Variants in ERCC6L2 observed in about 807,000 individuals in gnomAD.
ERCC6L2 encodes ERCC excision repair 6 like 2.
Under a neutral mutation model 132.0 loss-of-function variants are expected in ERCC6L2, and 77 were observed. The ratio of observed to expected loss-of-function variants is 0.58; its 90% confidence interval spans 0.49 to 0.71. ERCC6L2 has a LOEUF of 0.71. ERCC6L2 is among the 30% of genes least tolerant of loss of function. The probability of loss-of-function intolerance (pLI) is 0.00; values close to 1 mark genes in which losing one functional copy is unlikely to be tolerated. For synonymous variants in ERCC6L2, 583 were observed against 632.4 expected (o/e 0.92, Z 1.17); for missense variants, 1,542 against 1,837.6 (o/e 0.84, Z 2.94).
In ERCC6L2 at chr9:96,013,330, A is replaced by AT. The variant is rs35507533; in HGVS notation, c.*133dup. The AT allele has an allele frequency of 1.2e-6, 1 of 856,374 alleles. No homozygotes were observed. The highest frequency in any genetic ancestry group is 1.6e-6 in the Non-Finnish European group (1 of 632,648). 53.0% of individuals were successfully genotyped at this position (856,374 alleles called of 1,614,324 possible). The stretch of plus-strand genomic sequence containing the variant: ...ATTTTTATTAAATTATTGCTTTAGG[A>AT]TTTTTTGAAGTCTAAAGTATTGTCA... On this transcript the variant is annotated 3_prime_UTR_variant, in exon 19 of 19. Transcript: ENST00000653738.
rs1230693368 is a variant in ERCC6L2, at chr9:96,012,236, A to G, written c.3686A>G (p.Glu1229Gly). ...CATTTAATCTTTAGAAAACAATTTG[A>G]AGAAATGGCCTCTTATTTTAACTCG... ...TPKGIRRKQF[E>G]EMASYFNSSS... Residue 1229 changes from glutamate to glycine, a missense_variant, in exon 19 of 19, where the codon GAA (glutamate) becomes GGA (glycine). Physicochemically the swap from Glu to Gly is moderately conservative, Grantham distance 98 (BLOSUM62 -2). Transcript: ENST00000653738. 2 of 1,258,556 alleles carry G rather than the reference A, an allele frequency of 1.6e-6. No individual in the cohort carries two copies. Among genetic ancestry groups the G allele is most frequent in the Non-Finnish European group, 2.1e-6 (2 of 965,438 alleles). 78.0% of individuals were successfully genotyped at this position (1,258,556 alleles called of 1,614,324 possible).
At chr9:95,879,344 T>A (rs1234665220) in intron 1 of ERCC6L2, among the ~76,000 whole-genome samples, 1 of 152,240 alleles carries the variant, frequency 6.6e-6, no homozygotes, top group Non-Finnish European at 1.5e-5. Flanking sequence ...GGTATAATAT[T>A]TGGTGAATAA....
chr9:95,923,971 A>G (rs1022357066), intron 9 of ERCC6L2, among the ~76,000 whole-genome samples: 2 of 152,202 alleles, frequency 1.3e-5, no homozygotes, highest in Admixed American at 6.5e-5. Flanking sequence ...AAGTTCTCCA[A>G]CCTTGACCCA....
intron 11 of ERCC6L2, 57 bp downstream of exon 11, chr9:95,928,921 A>C: frequency 7.6e-7 from 1 of 1,319,260 alleles, no homozygotes; most frequent in Non-Finnish European, 1.0e-6. Flanking sequence ...GAGATTTAGC[A>C]TAATTTTTAA....
chr9:95,889,966 C>T (rs62559055), intron 2 of ERCC6L2, among the ~76,000 whole-genome samples: 18,375 of 152,136 alleles, frequency 0.12, 1,249 homozygotes, highest in African/African-American at 0.16. Context: ...TTATGTTCTA[C>T]ATCAGCCAGT....
chr9:95,936,745 G>A (rs559455103), intron 11 of ERCC6L2, among the ~76,000 whole-genome samples: 27 of 152,214 alleles, frequency 1.8e-4, no homozygotes, highest in African/African-American at 6.0e-4. Context: ...AATCCCTCAT[G>A]CTGTCCTTTT....
At chr9:95,982,566 G>T (rs957088634) in intron 17 of ERCC6L2, among the ~76,000 whole-genome samples, 2 of 151,978 alleles carry the variant, frequency 1.3e-5, no homozygotes, top group Admixed American at 1.3e-4. Context: ...AAGGTTTATG[G>T]TTTCAGCATG....
At chr9:95,902,620 G>A (rs1828836786) in intron 3 of ERCC6L2, among the ~76,000 whole-genome samples, 1 of 151,978 alleles carries the variant, frequency 6.6e-6, no homozygotes, top group Non-Finnish European at 1.5e-5. Context: ...TGGATTTAGG[G>A]GATTACTTTT....
intron 18 of ERCC6L2, among the ~76,000 whole-genome samples, chr9:96,012,003 A>T (rs867117477): frequency 1.3e-5 from 2 of 152,320 alleles, no homozygotes; most frequent in Middle Eastern, 3.4e-3. Context: ...ATAACTTACA[A>T]AGCTGGTGAT....
chr9:95,989,763 A>G (rs1380621633), intron 17 of ERCC6L2, among the ~76,000 whole-genome samples: 1 of 152,228 alleles, frequency 6.6e-6, no homozygotes, highest in Non-Finnish European at 1.5e-5. Context: ...GGTATGTTGT[A>G]TGAGATGACA....
intron 17 of ERCC6L2, among the ~76,000 whole-genome samples, chr9:95,989,461 A>G (rs558165448): frequency 7.9e-5 from 12 of 152,256 alleles, no homozygotes; most frequent in Non-Finnish European, 1.5e-4. Flanking sequence ...CCAAATATCT[A>G]TTTCACAATA....
intron 17 of ERCC6L2, among the ~76,000 whole-genome samples, chr9:95,995,805 C>T (rs1396669167): frequency 6.6e-6 from 1 of 152,172 alleles, no homozygotes; most frequent in East Asian, 1.9e-4. Context: ...AACTGTTGGG[C>T]ACCAACTGCA....
In ERCC6L2 at chr9:95,884,556, C is replaced by T. The variant is rs574596358; in HGVS notation, c.471+3263C>T. Among the ~76,000 whole-genome samples, 13 of 151,070 alleles carry T rather than the reference C, an allele frequency of 8.6e-5. No individual in the cohort carries two copies. The South Asian group carries it at 2.3e-3, about 27-fold the overall frequency. ...CCCCCTTTTTATATTCTAATTTGGC[C>T]ATGATATGAAACTGAAGTCTTTTTA... On this transcript the variant is annotated intron_variant, in intron 2 of 18. Transcript: ENST00000653738.
intron 19 of ERCC6L2, among the ~76,000 whole-genome samples, chr9:96,027,226 A>C (rs1265548833): frequency 1.3e-5 from 2 of 151,586 alleles, no homozygotes; most frequent in African/African-American, 4.9e-5. Flanking sequence ...CCCGCCTCCA[A>C]CACCCACCTC....
At chr9:95,890,806 C>G (rs542694540) in intron 2 of ERCC6L2, among the ~76,000 whole-genome samples, 1 of 152,218 alleles carries the variant, frequency 6.6e-6, no homozygotes, top group South Asian at 2.1e-4. Context: ...GTAGCTGGGA[C>G]TACAGATGCG....
rs773741539 is a variant in ERCC6L2 at position 95,928,768 on chromosome 9, G to A, written c.1655G>A (p.Arg552Gln). 4 of 1,613,198 alleles carry A rather than the reference G, an allele frequency of 2.5e-6. No individual in the cohort carries two copies. The highest frequency in any genetic ancestry group is 2.2e-5 in the East Asian group (1 of 44,788). ...TGTATGGCGTCTGGGCTTGATTACC[G>A]ACGACTTGATGGAAGTACAAAATCA... ...QYCMASGLDY[R>Q]RLDGSTKSEE... The change falls in exon 11 of 19, where the codon CGA (arginine) becomes CAA (glutamine). Residue 552 changes from arginine (R) to glutamine (Q), a missense_variant. Arg to Gln is a conservative substitution (Grantham distance 43). Coordinates refer to ENST00000653738, the MANE Select transcript of ERCC6L2 (RefSeq NM_020207.7).
chr9:96,027,497 G>A (rs1227557745), intron 19 of ERCC6L2, among the ~76,000 whole-genome samples: 1 of 152,184 alleles, frequency 6.6e-6, no homozygotes, highest in Admixed American at 6.5e-5. Flanking sequence ...CCCGCCCTGG[G>A]AGAAGGCGGC....
chr9:95,888,613 G>A (rs979921039), intron 2 of ERCC6L2, among the ~76,000 whole-genome samples: 2 of 152,094 alleles, frequency 1.3e-5, no homozygotes, highest in African/African-American at 4.8e-5. Context: ...CCACCATAGT[G>A]TGGTAAGATG....
At chr9:95,971,892 C>G (rs764606981) in intron 15 of ERCC6L2, 41 bp from the exon 16 acceptor site, 33 of 1,212,612 alleles carry the variant, frequency 2.7e-5, no homozygotes, top group Non-Finnish European at 3.3e-5. Context: ...CACATTATAT[C>G]TTGAGGTTTT....
Sources: allele counts gnomAD v4.1 joint callset (sites outside exome capture counted in the v4.1 genomes callset), GRCh38; gene constraint gnomAD v4.1.1; transcripts MANE v1.5; gene names NCBI Gene and HGNC (gene_info 2026-07-23, HGNC 2026-07-21).